TMEM131L: variants seen among roughly 807,000 people sequenced by gnomAD.
The protein encoded by TMEM131L is transmembrane 131 like.
Under a neutral mutation model 192.2 loss-of-function variants are expected in TMEM131L, and 54 were observed. The ratio of observed to expected loss-of-function variants is 0.28; its 90% CI spans 0.23 to 0.35. The LOEUF is 0.35. Ranked by LOEUF, TMEM131L falls within the 10% of genes least tolerant of loss-of-function variation. TMEM131L has a pLI of 1.00. For missense variants in TMEM131L, 1,888 were observed against 1,972.9 expected, an observed-to-expected ratio of 0.96 and a Z score of 0.82; for synonymous variants, 701 against 704.9, an observed-to-expected ratio of 0.99 and a Z score of 0.09.
chr4:153,619,390 T>C (rs1353867260), intron 26 of TMEM131L, among the ~76,000 whole-genome samples: 1 of 152,236 alleles, frequency 6.6e-6, no homozygotes, highest in Non-Finnish European at 1.5e-5. Flanking sequence ...AGTCTGCATA[T>C]CCTTCAGTTT....
intron 3 of TMEM131L, among the ~76,000 whole-genome samples, chr4:153,515,484 T>G (rs1399774291): frequency 1.3e-5 from 2 of 152,252 alleles, no homozygotes; most frequent in African/African-American, 4.8e-5. Context: ...ATTCATCATT[T>G]GTACATTTGG....
intron 3 of TMEM131L, among the ~76,000 whole-genome samples, chr4:153,496,562 G>A (rs1268985673): frequency 1.3e-5 from 2 of 152,134 alleles, no homozygotes; most frequent in African/African-American, 4.8e-5. Context: ...ATGAAGACTT[G>A]TTTTGTTTTT....
At chr4:153,491,201 AAAAGGGG>A (rs1459836849) in intron 3 of TMEM131L, among the ~76,000 whole-genome samples, 9 of 152,196 alleles carry the variant, frequency 5.9e-5, no homozygotes, top group African/African-American at 1.9e-4. Flanking sequence ...AATTGGGGAT[AAAAGGGG>A]AAACTGGTGA....
At chr4:153,510,702 T>G (rs1734291411) in intron 3 of TMEM131L, among the ~76,000 whole-genome samples, 1 of 152,078 alleles carries the variant, frequency 6.6e-6, no homozygotes, top group African/African-American at 2.4e-5. Flanking sequence ...ACATGTCAAA[T>G]CCTCATTTTT....
At chr4:153,609,627 T>G (rs1270404580) in intron 25 of TMEM131L, among the ~76,000 whole-genome samples, 3 of 152,212 alleles carry the variant, frequency 2.0e-5, no homozygotes, top group Non-Finnish European at 4.4e-5. Flanking sequence ...ATAGAAGGCA[T>G]TACTGATTTT....
intron 3 of TMEM131L, among the ~76,000 whole-genome samples, chr4:153,479,491 G>GTA (rs1731771836): frequency 6.6e-6 from 1 of 152,142 alleles, no homozygotes; most frequent in Admixed American, 6.5e-5. Context: ...CTGGCTCTCT[G>GTA]TATATATCTC....
In TMEM131L at chr4:153,620,793, AAAGAG is replaced by A. The variant is rs1733338801; in HGVS notation, c.3609_3613del (p.Glu1204LysfsTer9). The A allele has an allele frequency of 1.9e-6, 3 of 1,576,484 alleles. No homozygotes were observed. The highest frequency in any genetic ancestry group is 2.6e-6 in the Non-Finnish European group (3 of 1,154,838). The stretch of plus-strand genomic sequence containing the variant: ...TATAGGAAGAAAAAGCTTCAGGAGA[AAAGAG>A]AAGGAAATTTACAAAATTTAAATTG... On this transcript the variant is annotated frameshift_variant, in exon 27 of 35. Coordinates refer to ENST00000409959, the MANE Select transcript of TMEM131L (RefSeq NM_001131007.2). LOFTEE classifies it high-confidence loss of function.
chr4:153,592,688 G>A, intron 18 of TMEM131L, 104 bp downstream of exon 18: 1 of 808,420 alleles, frequency 1.2e-6, no homozygotes, highest in South Asian at 1.4e-5. Flanking sequence ...GTGTGGATGT[G>A]GACACAGTAT....
intron 20 of TMEM131L, among the ~76,000 whole-genome samples, chr4:153,597,759 C>T (rs1731544342): frequency 6.6e-6 from 1 of 152,064 alleles, no homozygotes; most frequent in Admixed American, 6.6e-5. Flanking sequence ...GTGGTGAAAC[C>T]TCGTCCCTAC....
chr4:153,560,698 C>A (rs1475345878), intron 7 of TMEM131L, among the ~76,000 whole-genome samples: 2 of 152,184 alleles, frequency 1.3e-5, no homozygotes, highest in Non-Finnish European at 2.9e-5. Context: ...GCATCTTTCC[C>A]TTAGCATGTT....
intron 3 of TMEM131L, among the ~76,000 whole-genome samples, chr4:153,521,935 C>T (rs2150153404): frequency 6.6e-6 from 1 of 150,510 alleles, no homozygotes; most frequent in East Asian, 2.0e-4. Context: ...AGTTTTTCAA[C>T]AGTATACAGA....
At chr4:153,505,611 T>C (rs1361879819) in intron 3 of TMEM131L, among the ~76,000 whole-genome samples, 1 of 152,168 alleles carries the variant, frequency 6.6e-6, no homozygotes, top group African/African-American at 2.4e-5. Context: ...AAGCAAAATG[T>C]AGGTCATGGT....
Position 153,588,942 on chromosome 4 carries a change from G to A in TMEM131L, c.1605G>A (p.Val535=), listed in dbSNP as rs1730881275. Residue 535 remains valine, a synonymous_variant, in exon 16 of 35, where the codon GTG becomes GTA. Coordinates refer to ENST00000409959, the MANE Select transcript of TMEM131L (RefSeq NM_001131007.2). Reference sequence around the variant, plus strand: ...CTCTGGATCAATCTACCTGGAATGTGGATTCTGAACTTGCAAATAAATTGT... The same window carrying A: ...CTCTGGATCAATCTACCTGGAATGTAGATTCTGAACTTGCAAATAAATTGT... ...SLSLDQSTWN[V]DSELANKLYE... The A allele has an allele frequency of 6.2e-7, 1 of 1,609,176 alleles. No individual in the cohort carries two copies.
intron 17 of TMEM131L, 133 bp from the exon 18 acceptor site, chr4:153,592,342 T>A: frequency 1.6e-6 from 1 of 641,964 alleles, no homozygotes; most frequent in Non-Finnish European, 2.8e-6. Flanking sequence ...GCTGGCCATT[T>A]ATTTCCTATG....
At chr4:153,547,452 T>C (rs1471543199) in intron 3 of TMEM131L, among the ~76,000 whole-genome samples, 1 of 152,258 alleles carries the variant, frequency 6.6e-6, no homozygotes, top group African/African-American at 2.4e-5. Context: ...CTGTTCTCTT[T>C]GCTTTTCTTA....
At chr4:153,608,295 C>T (rs1732378877) in intron 25 of TMEM131L, among the ~76,000 whole-genome samples, 1 of 152,194 alleles carries the variant, frequency 6.6e-6, no homozygotes. Context: ...TTGGCATCAA[C>T]TTGTCAAACA....
chr4:153,625,599 GT>G (rs1179271337), intron 29 of TMEM131L, among the ~76,000 whole-genome samples: 1 of 152,084 alleles, frequency 6.6e-6, no homozygotes, highest in Non-Finnish European at 1.5e-5. Flanking sequence ...AAAAGACAAT[GT>G]ATATGTGAAA....
At chr4:153,631,287 CAGAGTGGGGGATA>C (rs1734191596) in intron 31 of TMEM131L, among the ~76,000 whole-genome samples, 1 of 152,216 alleles carries the variant, frequency 6.6e-6, no homozygotes, top group African/African-American at 2.4e-5. Context: ...ACTTCAGGTG[CAGAGTGGGGGATA>C]AAGTTTCCCT....
chr4:153,625,912 AAAAC>A (rs1733811470), intron 29 of TMEM131L, among the ~76,000 whole-genome samples: 1 of 152,208 alleles, frequency 6.6e-6, no homozygotes, highest in African/African-American at 2.4e-5. Flanking sequence ...TGTCTCAAAA[AAAAC>A]AAAACAACAA....
Sources: allele counts gnomAD v4.1 joint callset (sites outside exome capture counted in the v4.1 genomes callset), GRCh38; gene constraint gnomAD v4.1.1; transcripts MANE v1.5; gene names NCBI Gene and HGNC (gene_info 2026-07-23, HGNC 2026-07-21).